ADCY2: variants seen among roughly 807,000 people sequenced by gnomAD.
ADCY2 encodes adenylate cyclase type 2.
ADCY2 carries 31 observed loss-of-function variants against 125.2 expected under a neutral mutation model. That is an observed-to-expected ratio of 0.25 (90% CI 0.19 to 0.33). The LOEUF is 0.33. ADCY2 is among the 10% of genes least tolerant of loss of function. The pLI is 1.00. For missense variants in ADCY2, 904 were observed against 1,418.2 expected (o/e 0.64, Z 5.82); for synonymous variants, 512 against 548.4 (o/e 0.93, Z 0.93).
intron 3 of ADCY2, among the ~76,000 whole-genome samples, chr5:7,531,613 G>A (rs1346480708): frequency 6.6e-6 from 1 of 152,178 alleles, no homozygotes; most frequent in Non-Finnish European, 1.5e-5. Flanking sequence ...TCTGGTGGCA[G>A]CCAGCAGTCC....
At chr5:7,632,373 C>G (rs1403376497) in intron 4 of ADCY2, among the ~76,000 whole-genome samples, 3 of 152,052 alleles carry the variant, frequency 2.0e-5, no homozygotes, top group Non-Finnish European at 4.4e-5. Context: ...TTGGTATCTC[C>G]TCCTTGGTAA....
At chr5:7,789,244 G>A (rs1463161790) in intron 19 of ADCY2, among the ~76,000 whole-genome samples, 1 of 152,198 alleles carries the variant, frequency 6.6e-6, no homozygotes, top group Non-Finnish European at 1.5e-5. Flanking sequence ...GAACAATACA[G>A]TTTTTATTCA....
At chr5:7,596,029 TTAATA>T (rs1405601201) in intron 3 of ADCY2, among the ~76,000 whole-genome samples, 1 of 151,142 alleles carries the variant, frequency 6.6e-6, no homozygotes, top group Non-Finnish European at 1.5e-5. Context: ...TGATGCTAGT[TTAATA>T]TAATCCTTTC....
At position 7,812,369 on chromosome 5, in the gene ADCY2, A is replaced by G. The variant is rs189272271; in HGVS notation, c.2884-4497A>G. ...AACTGTCCCTGTTCACTATACATAC[A>G]GAGAATCTCAAAGACACTTAAAAGG... On this transcript the variant is annotated intron_variant, in intron 22 of 24. Transcript: ENST00000338316. Among the ~76,000 whole-genome samples the G allele has an allele frequency of 7.9e-5, 12 of 152,352 alleles. 1 individual carries two copies. The highest frequency in any genetic ancestry group is 2.6e-4 in the African/African-American group (11 of 41,568).
At chr5:7,593,145 A>G (rs569467330) in intron 3 of ADCY2, among the ~76,000 whole-genome samples, 1 of 152,294 alleles carries the variant, frequency 6.6e-6, no homozygotes, top group East Asian at 1.9e-4. Context: ...CAAATCGAGG[A>G]AAACCTTGAA....
chr5:7,507,460 AAG>A (rs1743879843), intron 2 of ADCY2, among the ~76,000 whole-genome samples: 1 of 148,562 alleles, frequency 6.7e-6, no homozygotes, highest in Non-Finnish European at 1.5e-5. Flanking sequence ...AAAAAAAAAA[AAG>A]GTAACAAAGC....
chr5:7,660,430 G>A (rs183389705), intron 4 of ADCY2, among the ~76,000 whole-genome samples: 232 of 152,210 alleles, frequency 1.5e-3, no homozygotes, highest in African/African-American at 5.2e-3. Context: ...TGGATTAGTG[G>A]GGCAGTCAGG....
chr5:7,672,415 A>C (rs146847153), intron 4 of ADCY2, among the ~76,000 whole-genome samples: 40 of 152,288 alleles, frequency 2.6e-4, no homozygotes, highest in African/African-American at 9.6e-4. Context: ...GGAGTCATCA[A>C]ACTACCGCCT....
At chr5:7,745,802 T>A (rs1481441876) in intron 15 of ADCY2, among the ~76,000 whole-genome samples, 1 of 152,218 alleles carries the variant, frequency 6.6e-6, no homozygotes, top group African/African-American at 2.4e-5. Flanking sequence ...TCCCAGGGAA[T>A]CTGGTCTTGG....
At chr5:7,485,823 A>G (rs190656071) in intron 2 of ADCY2, among the ~76,000 whole-genome samples, 2 of 152,316 alleles carry the variant, frequency 1.3e-5, no homozygotes, top group East Asian at 3.9e-4. Flanking sequence ...ATGTGGTACA[A>G]TCTTGTTTTT....
intron 5 of ADCY2, 93 bp from the exon 6 acceptor site, chr5:7,695,659 A>C (rs749839415): frequency 4.5e-5 from 31 of 693,926 alleles, no homozygotes; most frequent in Non-Finnish European, 7.0e-5. Flanking sequence ...GTATAAGCAA[A>C]ATTACATGAT....
chr5:7,566,992 A>T (rs868648696), intron 3 of ADCY2, among the ~76,000 whole-genome samples: 6 of 152,224 alleles, frequency 3.9e-5, no homozygotes, highest in Non-Finnish European at 5.9e-5. Context: ...TAAGTAGATT[A>T]TATTGCCAAT....
intron 1 of ADCY2, among the ~76,000 whole-genome samples, chr5:7,409,737 A>G (rs1303048203): frequency 3.3e-5 from 5 of 152,042 alleles, no homozygotes; most frequent in African/African-American, 1.2e-4. Flanking sequence ...TTTTTATTTT[A>G]TTTGCTTGGC....
intron 18 of ADCY2, among the ~76,000 whole-genome samples, 175 bp from the exon 19 acceptor site, chr5:7,784,190 T>C (rs531537812): frequency 2.6e-5 from 4 of 152,346 alleles, no homozygotes; most frequent in Admixed American, 1.3e-4. Context: ...ATAGGGATTT[T>C]TGTTTTGTTT....
At chr5:7,408,303 C>T (rs1219367717) in intron 1 of ADCY2, among the ~76,000 whole-genome samples, 2 of 152,130 alleles carry the variant, frequency 1.3e-5, no homozygotes, top group East Asian at 3.8e-4. Flanking sequence ...ACCACTGTTA[C>T]CACGCACCAC....
intron 14 of ADCY2, among the ~76,000 whole-genome samples, chr5:7,731,810 C>G (rs1445968778): frequency 6.6e-6 from 1 of 151,316 alleles, no homozygotes. Context: ...ACCATGTTGG[C>G]CAGGCCGGTC....
intron 14 of ADCY2, among the ~76,000 whole-genome samples, chr5:7,730,491 A>G (rs1018363568): frequency 6.6e-6 from 1 of 152,212 alleles, no homozygotes; most frequent in African/African-American, 2.4e-5. Context: ...AATGCTTTTT[A>G]AAAATTATTC....
intron 2 of ADCY2, among the ~76,000 whole-genome samples, chr5:7,424,266 G>C (rs1301658019): frequency 1.3e-5 from 2 of 152,230 alleles, no homozygotes; most frequent in African/African-American, 4.8e-5. Flanking sequence ...CCAGTAGCAG[G>C]CACCATGTGG....
chr5:7,538,926 C>T (rs528592715), intron 3 of ADCY2, among the ~76,000 whole-genome samples: 2 of 147,372 alleles, frequency 1.4e-5, no homozygotes, highest in South Asian at 2.2e-4. Flanking sequence ...TGCAGTGGCA[C>T]GATCTCAGCT....
Sources: allele counts gnomAD v4.1 joint callset (sites outside exome capture counted in the v4.1 genomes callset), GRCh38; gene constraint gnomAD v4.1.1; transcripts MANE v1.5; gene names NCBI Gene and HGNC (gene_info 2026-07-23, HGNC 2026-07-21).